The following SPAG16 variants were observed in gnomAD, a reference collection of about 807,000 sequenced individuals.
The protein encoded by SPAG16 is sperm associated antigen 16.
SPAG16 carries 86 observed loss-of-function variants against 80.4 expected under a neutral mutation model. The ratio of observed to expected loss-of-function variants is 1.07; its 90% CI spans 0.90 to 1.28. The LOEUF (loss-of-function observed/expected upper bound fraction) is 1.28, where lower values mean the gene tolerates loss of function less well. Ranked by LOEUF, SPAG16 falls within the 50% of genes most tolerant of loss-of-function variation. SPAG16 has a pLI of 0.00. For missense variants in SPAG16, 870 were observed against 765.3 expected (o/e 1.14, Z -1.61); for synonymous variants, 294 against 265.9 (o/e 1.11, Z -1.03).
intron 15 of SPAG16, among the ~76,000 whole-genome samples, chr2:214,252,801 G>C (rs1690392241): frequency 6.6e-6 from 1 of 152,060 alleles, no homozygotes; most frequent in African/African-American, 2.4e-5. Context: ...AATCCTTTGG[G>C]CATATACCCA....
chr2:213,351,306 T>C (rs1217962890), intron 7 of SPAG16, among the ~76,000 whole-genome samples: 1 of 152,134 alleles, frequency 6.6e-6, no homozygotes, highest in Non-Finnish European at 1.5e-5. Context: ...TTTAAACAAA[T>C]TGGAGCTCAG....
At chr2:213,673,850 C>T (rs1022829074) in intron 10 of SPAG16, among the ~76,000 whole-genome samples, 12 of 151,860 alleles carry the variant, frequency 7.9e-5, no homozygotes, top group Non-Finnish European at 8.8e-5. Context: ...ATCACTTTAA[C>T]GGACATACTC....
chr2:213,704,403 A>G (rs1359975399), intron 10 of SPAG16, among the ~76,000 whole-genome samples: 1 of 152,172 alleles, frequency 6.6e-6, no homozygotes. Context: ...TAAGTAACAT[A>G]TAGCTAATGA....
At chr2:214,244,513 CAAGT>C (rs1288173360) in intron 15 of SPAG16, among the ~76,000 whole-genome samples, 1 of 151,378 alleles carries the variant, frequency 6.6e-6, no homozygotes, top group Non-Finnish European at 1.5e-5. Context: ...GATAGGAAGC[CAAGT>C]AAGGATTTAA....
At chr2:213,574,973 A>G (rs1190835736) in intron 10 of SPAG16, among the ~76,000 whole-genome samples, 1 of 152,038 alleles carries the variant, frequency 6.6e-6, no homozygotes, top group African/African-American at 2.4e-5. Flanking sequence ...ATCCATAACC[A>G]TTATCCGTTA....
chr2:213,402,106 T>C (rs1336461534), intron 9 of SPAG16, among the ~76,000 whole-genome samples: 1 of 152,056 alleles, frequency 6.6e-6, no homozygotes, highest in East Asian at 1.9e-4. Flanking sequence ...TTTTTCTAAC[T>C]GGTTTTAGGA....
At chr2:214,053,240 C>G (rs1220853430) in intron 13 of SPAG16, among the ~76,000 whole-genome samples, 2 of 152,176 alleles carry the variant, frequency 1.3e-5, no homozygotes, top group Admixed American at 6.5e-5. Context: ...AGCAAAAATG[C>G]AGTTCAGTTT....
chr2:213,948,892 T>C (rs1273534136), intron 12 of SPAG16, among the ~76,000 whole-genome samples: 1 of 152,212 alleles, frequency 6.6e-6, no homozygotes, highest in Non-Finnish European at 1.5e-5. Flanking sequence ...TTCTCTTTTT[T>C]AAAAGGTATA....
chr2:214,279,558 A>G (rs1476655581), intron 15 of SPAG16, among the ~76,000 whole-genome samples: 1 of 152,180 alleles, frequency 6.6e-6, no homozygotes, highest in Non-Finnish European at 1.5e-5. Flanking sequence ...CAGGGACAGC[A>G]AGGCTTTTGG....
chr2:214,056,527 G>GT (rs1435427114), intron 13 of SPAG16, among the ~76,000 whole-genome samples: 11 of 85,066 alleles, frequency 1.3e-4, no homozygotes, highest in Non-Finnish European at 2.7e-4. Flanking sequence ...ATACTTATTG[G>GT]TAAAAAAAAA....
At chr2:213,425,540 T>A (rs950849581) in intron 9 of SPAG16, among the ~76,000 whole-genome samples, 6 of 150,520 alleles carry the variant, frequency 4.0e-5, no homozygotes, top group African/African-American at 1.5e-4. Context: ...TAATCCCAGC[T>A]ACTCAAGAGG....
intron 13 of SPAG16, among the ~76,000 whole-genome samples, chr2:214,048,236 G>A (rs1360680297): frequency 6.6e-6 from 1 of 152,138 alleles, no homozygotes; most frequent in African/African-American, 2.4e-5. Context: ...GGAGATACCT[G>A]CACTTCCATG....
chr2:213,800,292 A>C (rs549189817), intron 10 of SPAG16, among the ~76,000 whole-genome samples: 3 of 147,792 alleles, frequency 2.0e-5, no homozygotes, highest in African/African-American at 5.1e-5. Context: ...TTGTCTCCCT[A>C]TATTTCCCTC....
At chr2:214,260,424 A>G (rs1423054696) in intron 15 of SPAG16, among the ~76,000 whole-genome samples, 1 of 151,946 alleles carries the variant, frequency 6.6e-6, no homozygotes. Flanking sequence ...TAAATTTGGT[A>G]TCTTCTCCGT....
At chr2:213,516,404 TTA>T (rs1491457870) in intron 10 of SPAG16, among the ~76,000 whole-genome samples, 1 of 50,966 alleles carries the variant, frequency 2.0e-5, no homozygotes, top group Non-Finnish European at 4.0e-5. Context: ...TATCTTTTTC[TTA>T]AAAAAATGAA....
At chr2:213,654,422 G>C (rs2063137237) in intron 10 of SPAG16, among the ~76,000 whole-genome samples, 1 of 151,670 alleles carries the variant, frequency 6.6e-6, no homozygotes, top group Non-Finnish European at 1.5e-5. Context: ...GTGGCTGGGT[G>C]CAAGTGGCTC....
chr2:213,799,499 G>C (rs1282566230), intron 10 of SPAG16, among the ~76,000 whole-genome samples: 1 of 152,056 alleles, frequency 6.6e-6, no homozygotes, highest in East Asian at 1.9e-4. Context: ...TAACATTACA[G>C]AAAACTTAGG....
chr2:214,206,008 C>T (rs1425238285), intron 15 of SPAG16, among the ~76,000 whole-genome samples: 1 of 148,982 alleles, frequency 6.7e-6, no homozygotes, highest in Non-Finnish European at 1.5e-5. Flanking sequence ...CCCTGACCAA[C>T]ATGGTGAAAC....
chr2:213,524,819 C>A (rs1412821394), intron 10 of SPAG16, among the ~76,000 whole-genome samples: 2 of 152,172 alleles, frequency 1.3e-5, no homozygotes, highest in Non-Finnish European at 2.9e-5. Flanking sequence ...TTGGAAGAGA[C>A]TTGCCTTGTC....
Sources: gnomAD v4.1 joint callset for allele counts (sites outside exome capture counted in the v4.1 genomes callset) on GRCh38, gnomAD v4.1.1 for gene constraint, MANE v1.5 for transcripts, NCBI Gene and HGNC (gene_info 2026-07-23, HGNC 2026-07-21) for gene names.